The following TMEM150B variants were observed in gnomAD, a reference collection of about 807,000 sequenced individuals.
TMEM150B encodes the protein modulator of macroautophagy TMEM150B.
Under a neutral mutation model 25.2 loss-of-function variants are expected in TMEM150B, and 33 were observed. The ratio of observed to expected loss-of-function variants is 1.31; its 90% CI spans 0.99 to 1.75. The LOEUF (loss-of-function observed/expected upper bound fraction) is 1.75. Ranked by LOEUF, TMEM150B falls within the 40% of genes most tolerant of loss-of-function variation. TMEM150B has a pLI of 0.00. For synonymous variants in TMEM150B, 133 were observed against 134.8 expected, an observed-to-expected ratio of 0.99 and a Z score of 0.09; for missense variants, 322 against 306.1, an observed-to-expected ratio of 1.05 and a Z score of -0.39.
At chr19:55,313,883 C>G (rs2088900415) in intron 7 of TMEM150B, among the ~76,000 whole-genome samples, 1 of 152,222 alleles carries the variant, frequency 6.6e-6, no homozygotes, top group Admixed American at 6.5e-5. Context: ...CCCTCCCAGA[C>G]AGCTTATTCC....
In TMEM150B at chr19:55,316,875, C is replaced by T. The variant is rs759767329; in HGVS notation, c.416G>A (p.Arg139Lys). The T allele has an allele frequency of 1.2e-6, 2 of 1,602,434 alleles. No homozygotes were observed. Among genetic ancestry groups the T allele is most frequent in the Non-Finnish European group, 1.7e-6 (2 of 1,175,776 alleles). ...VYFWLQLLLWRLKRLPQPGAA... is the reference protein window; with the variant it reads ...VYFWLQLLLWKLKRLPQPGAA... ...CCCGGGCTGGGGCAGCCTCTTCAGC[C>T]TCCACAGGAGGAGCTGCAGCCAGAA... The change falls in exon 7 of 8, where the codon AGG (arginine) becomes AAG (lysine). Residue 139 changes from arginine (R) to lysine (K), a missense_variant. Transcript: ENST00000326652.
At chr19:55,313,203 C>T (rs911528794) in intron 7 of TMEM150B, 148 bp from the exon 8 acceptor site, 1 of 788,694 alleles carries the variant, frequency 1.3e-6, no homozygotes, top group Non-Finnish European at 2.0e-6. Flanking sequence ...CAGACGGGGC[C>T]TCGCCTTGGT....
chr19:55,321,769 C>T (rs1010794631), intron 2 of TMEM150B, among the ~76,000 whole-genome samples: 5 of 152,154 alleles, frequency 3.3e-5, no homozygotes, highest in Non-Finnish European at 7.3e-5. Flanking sequence ...TCTTCTCCAG[C>T]TCCTGATGTC....
downstream of TMEM150B, among the ~76,000 whole-genome samples, chr19:55,311,007 C>G (rs2123012411): frequency 6.6e-6 from 1 of 152,268 alleles, no homozygotes; most frequent in South Asian, 2.1e-4. Context: ...GTCGCTCAGG[C>G]TGGAGTGCAG....
At chr19:55,312,125 A>C, downstream of TMEM150B, 1 of 717,710 alleles carries the variant, frequency 1.4e-6, no homozygotes, top group Non-Finnish European at 2.2e-6. Flanking sequence ...GTGCCCCCCA[A>C]CTGTGAATCT....
At chr19:55,310,992 CCT>C (rs1341533030), downstream of TMEM150B, among the ~76,000 whole-genome samples, 3 of 152,006 alleles carry the variant, frequency 2.0e-5, no homozygotes, top group Admixed American at 1.3e-4. The surrounding 1 kb of genome is among the most constrained non-coding windows in gnomAD (Gnocchi z 5.0). Context: ...ACAGAATCTC[CCT>C]CTGTCGCTCA....
At chr19:55,317,695 C>T (rs2089053015) in intron 6 of TMEM150B, among the ~76,000 whole-genome samples, 1 of 151,896 alleles carries the variant, frequency 6.6e-6, no homozygotes, top group South Asian at 2.1e-4. Flanking sequence ...GCAGGAGAAT[C>T]ACTTGAACCC....
At chr19:55,320,657 C>T (rs1335079633) in intron 3 of TMEM150B, 40 bp from the exon 4 acceptor site, 1 of 1,590,236 alleles carries the variant, frequency 6.3e-7, no homozygotes, top group Non-Finnish European at 8.6e-7. Context: ...CTCTCACCAA[C>T]AACTTTTCCT....
intron 7 of TMEM150B, among the ~76,000 whole-genome samples, chr19:55,314,736 C>T (rs1185312581): frequency 1.3e-5 from 2 of 152,166 alleles, no homozygotes; most frequent in East Asian, 1.9e-4. Context: ...ACCTAATGGT[C>T]TCATACCCCA....
In TMEM150B at chr19:55,321,076, C is replaced by A; in HGVS notation, c.-40G>T. On this transcript the variant is annotated 5_prime_UTR_variant, in exon 3 of 8. Transcript: ENST00000326652. ...GTGAAGGATCGGGGCTGAGGCTGGA[C>A]ACCTGTCTCTCTCACACCTGAAGAA... is the stretch of plus-strand genomic sequence containing the variant. 6.3e-7 allele frequency: 1 copy of A among 1,594,094 alleles called. No homozygotes were observed. Among genetic ancestry groups the A allele is most frequent in the Non-Finnish European group, 8.5e-7 (1 of 1,170,186 alleles).
At chr19:55,321,324 C>A (rs1569004635) in intron 2 of TMEM150B, among the ~76,000 whole-genome samples, 1 of 148,392 alleles carries the variant, frequency 6.7e-6, no homozygotes, top group Non-Finnish European at 1.5e-5. Context: ...CACCTCCCAG[C>A]CTCTCCTTGC....
chr19:55,322,808 C>G, intron 1 of TMEM150B, 65 bp from the exon 2 acceptor site: 2 of 839,942 alleles, frequency 2.4e-6, no homozygotes, highest in Non-Finnish European at 2.9e-6. Flanking sequence ...CACTTCCTAA[C>G]GGCTCTCTGT....
At chr19:55,309,896 G>A (rs528392194), downstream of TMEM150B, among the ~76,000 whole-genome samples, 144 of 152,320 alleles carry the variant, frequency 9.5e-4, no homozygotes, top group African/African-American at 3.3e-3. Context: ...TGCAGGGCAC[G>A]TGGACAGCCG....
chr19:55,322,608 G>A lies in TMEM150B; in HGVS notation c.-58+40C>T, dbSNP rs118104408. On this transcript the variant is annotated intron_variant, in intron 2 of 7. Transcript: ENST00000326652. ...TTCTCCCTGCCCTCCCAGCCCCTCCGTGCACCTCCCAGCCTCCAGGGCCTC... is the reference window on the plus strand; with the variant it reads ...TTCTCCCTGCCCTCCCAGCCCCTCCATGCACCTCCCAGCCTCCAGGGCCTC... The A allele has an allele frequency of 2.8e-3, 2,687 of 950,382 alleles. 5 individuals carry two copies. Among genetic ancestry groups the A allele is most frequent in the Non-Finnish European group, 3.1e-3 (2,506 of 798,434 alleles). The allele number at this position is 950,382 out of a possible 1,614,324, so 58.9% of individuals were successfully genotyped here. A position where few individuals can be genotyped will look rare whatever the true frequency, so the allele number is the denominator to read the frequency against.
chr19:55,310,629 C>A (rs914875732), downstream of TMEM150B, among the ~76,000 whole-genome samples: 1 of 152,174 alleles, frequency 6.6e-6, no homozygotes, highest in African/African-American at 2.4e-5. This position sits in a 1 kb window ranked among gnomAD's most constrained non-coding sequence, Gnocchi z 5.0. Context: ...CCAATGGCCT[C>A]TTGTAGGTGG....
intron 6 of TMEM150B, among the ~76,000 whole-genome samples, chr19:55,318,043 C>T (rs1371389365): frequency 6.6e-6 from 1 of 152,068 alleles, no homozygotes; most frequent in Non-Finnish European, 1.5e-5. Flanking sequence ...TCTAAAAATA[C>T]TCCTTAGAGG....
At chr19:55,320,841 C>A (rs2089186639) in intron 3 of TMEM150B, 128 bp downstream of exon 3, 1 of 1,274,224 alleles carries the variant, frequency 7.8e-7, no homozygotes, top group Non-Finnish European at 1.1e-6. Flanking sequence ...GAGTCCAGGC[C>A]TCCAGCTCCT....
chr19:55,320,620 AC>A lies in TMEM150B; in HGVS notation c.69-4del. The A allele has an allele frequency of 6.2e-6, 10 of 1,613,448 alleles. No individual in the cohort carries two copies. The highest frequency in any genetic ancestry group is 7.6e-6 in the Non-Finnish European group (9 of 1,179,616). On this transcript the variant is annotated splice_region_variant and splice_polypyrimidine_tract_variant and intron_variant, in intron 3 of 7. Transcript: ENST00000326652. ...TGTTGGTCACTGCAATGGCAAAACTACGGAGGAAATCAGAGTGAGTGGGCGA... is the reference window on the plus strand; with the variant it reads ...TGTTGGTCACTGCAATGGCAAAACTAGGAGGAAATCAGAGTGAGTGGGCGA...
intron 7 of TMEM150B, 151 bp from the exon 8 acceptor site, chr19:55,313,206 G>C: frequency 3.9e-6 from 3 of 771,498 alleles, no homozygotes; most frequent in Non-Finnish European, 6.1e-6. Flanking sequence ...ACGGGGCCTC[G>C]CCTTGGTCTC....
Sources: allele counts gnomAD v4.1 joint callset (sites outside exome capture counted in the v4.1 genomes callset), GRCh38; gene constraint gnomAD v4.1.1; non-coding constraint Gnocchi (gnomAD v3.1); transcripts MANE v1.5; gene names NCBI Gene and HGNC (gene_info 2026-07-23, HGNC 2026-07-21).